Variants in LGI2 observed in about 807,000 individuals in gnomAD.
LGI2 encodes the protein leucine-rich repeat LGI family member 2.
Under a neutral mutation model 52.0 loss-of-function variants are expected in LGI2, and 30 were observed. The ratio of observed to expected loss-of-function variants is 0.58; its 90% CI spans 0.43 to 0.78. LGI2 has a LOEUF of 0.78. Ranked by LOEUF, LGI2 falls within the 30% of genes least tolerant of loss-of-function variation. The probability of loss-of-function intolerance (pLI) is 0.00; values close to 1 mark genes in which losing one functional copy is unlikely to be tolerated. For missense variants in LGI2, 573 were observed against 692.5 expected (o/e 0.83, Z 1.94); for synonymous variants, 270 against 271.8 (o/e 0.99, Z 0.06).
chr4:25,023,474 C>A (rs964456444), intron 4 of LGI2, among the ~76,000 whole-genome samples: 1 of 152,226 alleles, frequency 6.6e-6, no homozygotes, highest in Non-Finnish European at 1.5e-5. Context: ...TCTCCTTACC[C>A]GATAGGCTTT....
downstream of LGI2, among the ~76,000 whole-genome samples, chr4:24,994,589 T>C (rs998043039): frequency 6.6e-6 from 1 of 152,120 alleles, no homozygotes; most frequent in African/African-American, 2.4e-5. Flanking sequence ...CAAGTGCAAA[T>C]GTTCATCTGC....
At chr4:25,005,655 C>T (rs755699435) in intron 7 of LGI2, among the ~76,000 whole-genome samples, 1 of 147,012 alleles carries the variant, frequency 6.8e-6, no homozygotes, top group Non-Finnish European at 1.5e-5. Context: ...TGGGGGGTTG[C>T]GGGGGGTAAG....
chr4:25,014,665 C>T (rs959999239), intron 6 of LGI2, among the ~76,000 whole-genome samples: 3 of 151,806 alleles, frequency 2.0e-5, no homozygotes, highest in African/African-American at 7.3e-5. Context: ...CTTCTCTTTA[C>T]TAAAAATTAA....
At chr4:25,030,099 C>CA (rs1174689777) in intron 1 of LGI2, among the ~76,000 whole-genome samples, 1 of 151,944 alleles carries the variant, frequency 6.6e-6, no homozygotes, top group Non-Finnish European at 1.5e-5. Flanking sequence ...CAAACACACA[C>CA]ACACACACGC....
chr4:25,019,285 T>C, intron 4 of LGI2, 47 bp from the exon 5 acceptor site: 1 of 1,263,858 alleles, frequency 7.9e-7, no homozygotes, highest in Non-Finnish European at 1.1e-6. Flanking sequence ...TCTCATGCCC[T>C]GTCACTCTCA....
chr4:25,028,519 G>A lies in LGI2; in HGVS notation c.257C>T (p.Ser86Phe). ...IKDRMFSHLP[S>F]LQLLLLNSNS... The stretch of plus-strand genomic sequence containing the variant: ...TTCCCATACTCACAGCAGCTGCAGA[G>A]AAGGCAGATGGGAAAACATTCGGTC... Residue 86 changes from serine (S) to phenylalanine (F), a missense_variant, in exon 2 of 8, where the codon TCT (serine) becomes TTT (phenylalanine). Coordinates refer to ENST00000382114, the MANE Select transcript of LGI2 (RefSeq NM_018176.4). The A allele has an allele frequency of 6.2e-7, 1 of 1,613,352 alleles. No individual in the cohort carries two copies. Among genetic ancestry groups the A allele is most frequent in the Non-Finnish European group, 8.5e-7 (1 of 1,179,846 alleles).
chr4:24,992,799 C>A, the LGI2 span, among the ~76,000 whole-genome samples: 1 of 152,116 alleles, frequency 6.6e-6, no homozygotes, highest in Non-Finnish European at 1.5e-5. Context: ...GTCCCCTCAC[C>A]CCTCACCCCA....
intron 7 of LGI2, among the ~76,000 whole-genome samples, chr4:25,008,249 C>A (rs1003213706): frequency 4.6e-5 from 7 of 152,054 alleles, no homozygotes; most frequent in African/African-American, 1.7e-4. Context: ...CTATTTTACC[C>A]CCATTAAATC....
At chr4:25,012,557 A>C in intron 6 of LGI2, 58 bp from the exon 7 acceptor site, 1 of 1,557,542 alleles carries the variant, frequency 6.4e-7, no homozygotes, top group Non-Finnish European at 8.8e-7. Flanking sequence ...GGGATTATCA[A>C]CCACCATCAC....
Position 25,004,650 on chromosome 4 carries a change from C to T in LGI2, c.821-382G>A, listed in dbSNP as rs755595485. ...CAGGAATGGGATTAGTGCCTTCCAACTCCCTCTGCCCTTTCACCACATAGA... is the reference window on the plus strand; with the variant it reads ...CAGGAATGGGATTAGTGCCTTCCAATTCCCTCTGCCCTTTCACCACATAGA... On this transcript the variant is annotated intron_variant, in intron 7 of 7. Transcript: ENST00000382114. The surrounding 1 kb of genome is among the most constrained non-coding windows in gnomAD (Gnocchi z 4.6). Among the ~76,000 whole-genome samples, 1 of 152,168 alleles carries T rather than the reference C, an allele frequency of 6.6e-6. No individual in the cohort carries two copies. Among genetic ancestry groups the T allele is most frequent in the Non-Finnish European group, 1.5e-5 (1 of 68,026 alleles).
At chr4:25,017,756 A>G (rs1725821491) in intron 6 of LGI2, among the ~76,000 whole-genome samples, 1 of 152,152 alleles carries the variant, frequency 6.6e-6, no homozygotes, top group South Asian at 2.1e-4. Context: ...CAGAAATTTG[A>G]ATTTCGTAAA....
rs188138522 is a variant in LGI2, at chr4:25,011,253, C to T, written c.820+1082G>A. Among the ~76,000 whole-genome samples, 3 of 152,276 alleles carry T rather than the reference C, an allele frequency of 2.0e-5. No individual in the cohort carries two copies. The East Asian group carries it at 5.8e-4, about 29-fold the overall frequency. ...GCACAAAACCACGTGGACATGGACT[C>T]ACTTCCTCATCTCCCTTGTTCTTGG... On this transcript the variant is annotated intron_variant, in intron 7 of 7. Transcript: ENST00000382114.
At chr4:25,022,772 T>C (rs1247182086) in intron 4 of LGI2, among the ~76,000 whole-genome samples, 1 of 152,220 alleles carries the variant, frequency 6.6e-6, no homozygotes, top group Admixed American at 6.5e-5. Context: ...CACACCCTCC[T>C]GCTGATGGAA....
At chr4:25,019,036 T>C in intron 5 of LGI2, 131 bp downstream of exon 5, 2 of 693,504 alleles carry the variant, frequency 2.9e-6, no homozygotes, top group Admixed American at 5.3e-5. Context: ...TTTCCCAGGA[T>C]GCACTACTTT....
chr4:25,026,445 T>C (rs922116112), intron 3 of LGI2, among the ~76,000 whole-genome samples: 8 of 152,160 alleles, frequency 5.3e-5, no homozygotes, highest in Non-Finnish European at 1.2e-4. Context: ...TGTAGAACAG[T>C]GAGTGAACAA....
At chr4:25,030,417 C>G (rs1331526059) in intron 1 of LGI2, 80 bp downstream of exon 1, 25 of 1,401,874 alleles carry the variant, frequency 1.8e-5, no homozygotes, top group Admixed American at 6.3e-5. Context: ...CGCGCTGGCC[C>G]GGCGCCAGAG....
At chr4:25,010,523 C>T (rs1013404372) in intron 7 of LGI2, among the ~76,000 whole-genome samples, 1 of 152,210 alleles carries the variant, frequency 6.6e-6, no homozygotes, top group African/African-American at 2.4e-5. Flanking sequence ...ACATCCACTC[C>T]CCATTTCCCA....
chr4:24,994,023 T>C (rs1724978527), downstream of LGI2, among the ~76,000 whole-genome samples: 1 of 152,196 alleles, frequency 6.6e-6, no homozygotes, highest in African/African-American at 2.4e-5. Context: ...AAAGTTGACC[T>C]GCTTCCTTTT....
intron 3 of LGI2, among the ~76,000 whole-genome samples, chr4:25,025,957 T>G (rs1453576261): frequency 6.6e-6 from 1 of 152,226 alleles, no homozygotes; most frequent in Non-Finnish European, 1.5e-5. Context: ...GATTTAGCAT[T>G]GCAGTCCTGC....
Sources: allele counts gnomAD v4.1 joint callset (sites outside exome capture counted in the v4.1 genomes callset), GRCh38; gene constraint gnomAD v4.1.1; non-coding constraint Gnocchi (gnomAD v3.1); transcripts MANE v1.5; gene names NCBI Gene and HGNC (gene_info 2026-07-23, HGNC 2026-07-21).